Variants in PTPRD observed in about 807,000 individuals in gnomAD.
PTPRD encodes protein tyrosine phosphatase receptor type D.
Under a neutral mutation model 214.5 loss-of-function variants are expected in PTPRD, and 34 were observed. The ratio of observed to expected loss-of-function variants is 0.16; its 90% CI spans 0.12 to 0.21. The LOEUF (loss-of-function observed/expected upper bound fraction) is 0.21. Ranked by LOEUF, PTPRD falls within the 10% of genes least tolerant of loss-of-function variation. The probability of loss-of-function intolerance (pLI) is 1.00; values close to 1 mark genes in which losing one functional copy is unlikely to be tolerated. For synonymous variants in PTPRD, 1,128 were observed against 845.7 expected (o/e 1.33, Z -5.79); for missense variants, 2,545 against 2,398.7 (o/e 1.06, Z -1.27).
At chr9:8,453,257 G>A (rs891658970) in intron 33 of PTPRD, among the ~76,000 whole-genome samples, 2 of 152,100 alleles carry the variant, frequency 1.3e-5, no homozygotes, top group Admixed American at 6.5e-5. Context: ...TCTGCCTCCC[G>A]GGTTCATGCC....
chr9:10,473,775 G>A (rs1270615735), intron 2 of PTPRD, among the ~76,000 whole-genome samples: 1 of 152,096 alleles, frequency 6.6e-6, no homozygotes. Flanking sequence ...ATTCTTGGAA[G>A]TTGTGTTAAA....
chr9:9,519,681 A>G (rs942071451), intron 8 of PTPRD, among the ~76,000 whole-genome samples: 11 of 152,172 alleles, frequency 7.2e-5, no homozygotes, highest in Admixed American at 5.9e-4. Context: ...TAACTATAAA[A>G]CACATATTGA....
intron 9 of PTPRD, among the ~76,000 whole-genome samples, chr9:9,349,480 G>T (rs748491725): frequency 6.6e-6 from 1 of 152,012 alleles, no homozygotes; most frequent in Non-Finnish European, 1.5e-5. Flanking sequence ...AAGTGATATA[G>T]AAGTGCCACC....
At chr9:9,895,961 T>C (rs181708913) in intron 5 of PTPRD, among the ~76,000 whole-genome samples, 2 of 152,094 alleles carry the variant, frequency 1.3e-5, no homozygotes, top group Non-Finnish European at 2.9e-5. Flanking sequence ...GAAGCTAAAC[T>C]TACTCAGAGC....
At chr9:10,017,949 C>T (rs1036543664) in intron 4 of PTPRD, among the ~76,000 whole-genome samples, 4 of 152,136 alleles carry the variant, frequency 2.6e-5, no homozygotes, top group African/African-American at 7.2e-5. Context: ...CAGGGGTCCC[C>T]AGAGATCTCC....
intron 12 of PTPRD, among the ~76,000 whole-genome samples, chr9:8,683,400 A>T (rs898616063): frequency 2.6e-5 from 4 of 152,006 alleles, no homozygotes; most frequent in African/African-American, 7.2e-5. Flanking sequence ...AAAAAAAAAA[A>T]AGTGTATACA....
intron 12 of PTPRD, among the ~76,000 whole-genome samples, chr9:8,669,391 G>A (rs149786414): frequency 3.2e-4 from 48 of 152,222 alleles, no homozygotes; most frequent in Non-Finnish European, 5.3e-4. Context: ...ATTTCTGAGG[G>A]TATAAGACCC....
chr9:8,762,737 G>C lies in PTPRD; in HGVS notation c.-103-28791C>G, dbSNP rs187938546. 2.6e-5 allele frequency among the ~76,000 whole-genome samples: 4 copies of C among 152,208 alleles called. No homozygotes were observed. In the East Asian group the frequency reaches 5.8e-4, roughly 22 times the overall value. On this transcript the variant is annotated intron_variant, in intron 11 of 45. Transcript: ENST00000381196. ...CACTTTCTCCACCTCCTCTGTTCCA[G>C]TTAACCCATAGGAAAAACGTCTCTC...
chr9:8,495,587 C>G (rs1395033709), intron 26 of PTPRD, among the ~76,000 whole-genome samples: 3 of 152,088 alleles, frequency 2.0e-5, no homozygotes, highest in East Asian at 1.9e-4. Context: ...AAGAAACAAA[C>G]AAACAGAAAA....
At chr9:10,264,321 C>T (rs571843390) in intron 3 of PTPRD, among the ~76,000 whole-genome samples, 23 of 152,286 alleles carry the variant, frequency 1.5e-4, no homozygotes, top group Non-Finnish European at 2.5e-4. Context: ...GTCACAGACA[C>T]TCAATGGCAG....
intron 2 of PTPRD, among the ~76,000 whole-genome samples, chr9:10,472,552 G>A (rs981531539): frequency 2.0e-5 from 3 of 151,988 alleles, no homozygotes; most frequent in African/African-American, 4.8e-5. Flanking sequence ...AGGCTACTTC[G>A]GTCATCTATT....
At chr9:10,522,564 G>A (rs1168197164) in intron 2 of PTPRD, among the ~76,000 whole-genome samples, 1 of 152,042 alleles carries the variant, frequency 6.6e-6, no homozygotes, top group Non-Finnish European at 1.5e-5. Flanking sequence ...AGCAATAAAG[G>A]TGAATCCAGA....
chr9:9,252,095 A>C (rs1167478814), intron 9 of PTPRD, among the ~76,000 whole-genome samples: 1 of 151,980 alleles, frequency 6.6e-6, no homozygotes, highest in African/African-American at 2.4e-5. Flanking sequence ...ATGGTGCCAC[A>C]ATACTCCCTG....
intron 2 of PTPRD, among the ~76,000 whole-genome samples, chr9:10,438,597 T>A (rs954268305): frequency 6.6e-6 from 1 of 151,692 alleles, no homozygotes; most frequent in Non-Finnish European, 1.5e-5. Flanking sequence ...TAATAATTAT[T>A]GTTTTTGTTT....
chr9:10,531,848 A>T (rs2056445664), intron 2 of PTPRD, among the ~76,000 whole-genome samples: 1 of 152,172 alleles, frequency 6.6e-6, no homozygotes. Context: ...ATTTTCAAAG[A>T]AATGTAATAG....
chr9:9,932,686 A>C (rs1208658016), intron 5 of PTPRD, among the ~76,000 whole-genome samples: 1 of 109,318 alleles, frequency 9.1e-6, no homozygotes, highest in Non-Finnish European at 1.8e-5. Flanking sequence ...TCCCCAATCT[A>C]GCAAGGCAGG....
intron 6 of PTPRD, among the ~76,000 whole-genome samples, chr9:9,736,151 A>C (rs2098290120): frequency 6.6e-6 from 1 of 152,150 alleles, no homozygotes. Context: ...AACATATCAT[A>C]GGATGTCATT....
At chr9:10,582,044 C>T (rs2072063539) in intron 2 of PTPRD, among the ~76,000 whole-genome samples, 1 of 152,106 alleles carries the variant, frequency 6.6e-6, no homozygotes, top group African/African-American at 2.4e-5. Flanking sequence ...CTTTTGGCAG[C>T]CATGACAAGT....
At chr9:10,146,065 G>C (rs1386195427) in intron 3 of PTPRD, among the ~76,000 whole-genome samples, 1 of 151,464 alleles carries the variant, frequency 6.6e-6, no homozygotes, top group Non-Finnish European at 1.5e-5. Context: ...TTTAGACTAT[G>C]AAAACTGTAT....
Sources: allele counts gnomAD v4.1 joint callset (sites outside exome capture counted in the v4.1 genomes callset), GRCh38; gene constraint gnomAD v4.1.1; transcripts MANE v1.5; gene names NCBI Gene and HGNC (gene_info 2026-07-23, HGNC 2026-07-21).